The following FGF14 variants were observed in gnomAD, a reference collection of about 807,000 sequenced individuals.
FGF14 encodes the protein fibroblast growth factor 14.
Under a neutral mutation model 25.5 loss-of-function variants are expected in FGF14, and 5 were observed. The ratio of observed to expected loss-of-function variants is 0.20; its 90% confidence interval spans 0.10 to 0.41. The LOEUF (loss-of-function observed/expected upper bound fraction) is 0.41. Ranked by LOEUF, FGF14 falls within the 10% of genes least tolerant of loss-of-function variation. FGF14 has a pLI of 1.00. For missense variants in FGF14, 222 were observed against 320.1 expected (o/e 0.69, Z 2.34); for synonymous variants, 138 against 118.3 (o/e 1.17, Z -1.08).
At chr13:101,902,421 TTG>T (rs1329602950) in intron 1 of FGF14, among the ~76,000 whole-genome samples, 3 of 152,170 alleles carry the variant, frequency 2.0e-5, no homozygotes, top group African/African-American at 7.2e-5. Context: ...TACCCAATAT[TTG>T]TGTGTGTTAT....
In FGF14 at chr13:102,401,626, CATAAT is replaced by C; in HGVS notation, c.48_52del (p.Leu17GlnfsTer12). 1 of 1,614,088 alleles carries C rather than the reference CATAAT, an allele frequency of 6.2e-7. No homozygotes were observed. Among genetic ancestry groups the C allele is most frequent in the Non-Finnish European group, 8.5e-7 (1 of 1,180,008 alleles). ...GAGAAAGAAGAGATCCTTGTGGTTG[CATAAT>C]AATAATTTGAAATCAGTTCTCCTGA... On this transcript the variant is annotated frameshift_variant, in exon 1 of 5. Coordinates refer to the FGF14 transcript ENST00000376131. LOFTEE classifies it high-confidence loss of function.
intron 3 of FGF14, among the ~76,000 whole-genome samples, chr13:101,848,189 T>C (rs1366853467): frequency 2.6e-5 from 4 of 151,982 alleles, no homozygotes; most frequent in African/African-American, 9.7e-5. Flanking sequence ...ATGCATAAAT[T>C]TATATTATGC....
intron 1 of FGF14, among the ~76,000 whole-genome samples, chr13:102,255,206 T>A (rs1190808186): frequency 6.6e-6 from 1 of 152,166 alleles, no homozygotes; most frequent in Admixed American, 6.5e-5. Flanking sequence ...TGGCCACTTA[T>A]TCTGATTAAA....
intron 1 of FGF14, 43 bp downstream of exon 1, chr13:101,916,410 G>A (rs772673467): frequency 7.5e-6 from 12 of 1,609,288 alleles, no homozygotes; most frequent in Non-Finnish European, 9.4e-6. Flanking sequence ...AGGCGGGGAG[G>A]GGGCGACCCG....
chr13:101,772,558 G>A lies in FGF14; in HGVS notation c.409-45748C>T, dbSNP rs374880823. ...CATTTATCTCTAGTTAAATGTGGGC[G>A]AAATTTTCTATTAATTAAATTTGAA... On this transcript the variant is annotated intron_variant, in intron 3 of 4. Coordinates refer to ENST00000376143, the MANE Select transcript of FGF14 (RefSeq NM_004115.4). 7.9e-5 allele frequency among the ~76,000 whole-genome samples: 12 copies of A among 152,050 alleles called. No individual in the cohort carries two copies. The South Asian group carries it at 1.5e-3, about 18-fold the overall frequency.
chr13:102,246,412 T>A (rs1001052289), intron 1 of FGF14, among the ~76,000 whole-genome samples: 6 of 151,956 alleles, frequency 3.9e-5, no homozygotes, highest in African/African-American at 1.4e-4. Flanking sequence ...TCAAGGTGAG[T>A]TGGTTTGAAA....
At chr13:102,032,933 A>G (rs1241394687) in intron 1 of FGF14, among the ~76,000 whole-genome samples, 2 of 152,128 alleles carry the variant, frequency 1.3e-5, no homozygotes, top group Non-Finnish European at 2.9e-5. Context: ...AACAATGACA[A>G]GGAGCTCACA....
chr13:102,288,401 TAAAAC>T (rs1213858546), intron 1 of FGF14, among the ~76,000 whole-genome samples: 9 of 152,158 alleles, frequency 5.9e-5, no homozygotes, highest in East Asian at 3.8e-4. Flanking sequence ...TTCATAGAAT[TAAAAC>T]AAAACAAGTA....
At chr13:102,042,566 A>T (rs1047118818) in intron 1 of FGF14, among the ~76,000 whole-genome samples, 8 of 152,198 alleles carry the variant, frequency 5.3e-5, no homozygotes, top group Non-Finnish European at 1.0e-4. Context: ...AGATGCTCAA[A>T]GCCAAAAATG....
intron 1 of FGF14, among the ~76,000 whole-genome samples, chr13:102,026,866 A>G (rs1468657190): frequency 3.3e-5 from 5 of 152,016 alleles, no homozygotes; most frequent in Non-Finnish European, 5.9e-5. Context: ...ATATAACACA[A>G]CCAGATTTCA....
chr13:101,988,428 T>C, intron 1 of FGF14, among the ~76,000 whole-genome samples: 1 of 152,006 alleles, frequency 6.6e-6, no homozygotes, highest in Admixed American at 6.6e-5. Flanking sequence ...CTATTGCTAT[T>C]CACAATAGCA....
intron 1 of FGF14, among the ~76,000 whole-genome samples, chr13:101,955,096 A>G (rs780252268): frequency 6.6e-6 from 1 of 152,208 alleles, no homozygotes; most frequent in Non-Finnish European, 1.5e-5. Flanking sequence ...TAACTCTTGA[A>G]TAGTGTGGAT....
At chr13:101,780,307 C>T (rs2039411353) in intron 3 of FGF14, among the ~76,000 whole-genome samples, 2 of 152,164 alleles carry the variant, frequency 1.3e-5, no homozygotes. Flanking sequence ...TACCCTCTAT[C>T]TTTTGAAGGT....
chr13:101,852,759 C>A (rs942093945), intron 3 of FGF14, among the ~76,000 whole-genome samples: 1 of 152,030 alleles, frequency 6.6e-6, no homozygotes, highest in Non-Finnish European at 1.5e-5. Context: ...ACCCATGATA[C>A]CAGATACCTA....
In FGF14 at chr13:102,182,775, T is replaced by G. The variant is rs1013345193; in HGVS notation, c.208+218696A>C. Reference sequence around the variant, plus strand: ...TAGAAATACTACATTTCTTGCCCAATGGTTTATTGAAGTTCAGATTACAGA... The same window carrying G: ...TAGAAATACTACATTTCTTGCCCAAGGGTTTATTGAAGTTCAGATTACAGA... On this transcript the variant is annotated intron_variant, in intron 1 of 4. Transcript: ENST00000376131. 6.6e-5 allele frequency among the ~76,000 whole-genome samples: 10 copies of G among 152,290 alleles called. No individual in the cohort carries two copies. The East Asian group carries it at 1.9e-3, about 29-fold the overall frequency.
chr13:101,985,801 T>C (rs2038542872), intron 1 of FGF14, among the ~76,000 whole-genome samples: 1 of 152,140 alleles, frequency 6.6e-6, no homozygotes, highest in South Asian at 2.1e-4. Context: ...GGGACTTTGA[T>C]GCAGCTTAAA....
At chr13:101,941,881 T>C (rs1032994399) in intron 1 of FGF14, among the ~76,000 whole-genome samples, 10 of 152,310 alleles carry the variant, frequency 6.6e-5, no homozygotes, top group African/African-American at 2.2e-4. Flanking sequence ...CAAAACTTAG[T>C]TGCATCATGG....
At chr13:102,089,426 T>C (rs1353349906) in intron 1 of FGF14, among the ~76,000 whole-genome samples, 1 of 152,222 alleles carries the variant, frequency 6.6e-6, no homozygotes, top group African/African-American at 2.4e-5. Context: ...CTTCCATTCA[T>C]GCCCTGCAGT....
At chr13:102,347,098 G>A (rs1388260696) in intron 1 of FGF14, among the ~76,000 whole-genome samples, 1 of 152,134 alleles carries the variant, frequency 6.6e-6, no homozygotes, top group Non-Finnish European at 1.5e-5. Context: ...GGAAATACAT[G>A]GTGAGATGCA....
Sources: allele counts gnomAD v4.1 joint callset (sites outside exome capture counted in the v4.1 genomes callset), GRCh38; gene constraint gnomAD v4.1.1; transcripts MANE v1.5; gene names NCBI Gene and HGNC (gene_info 2026-07-23, HGNC 2026-07-21).